The following CFAP299 variants were observed in gnomAD, a reference collection of about 807,000 sequenced individuals.
The protein encoded by CFAP299 is cilia- and flagella-associated protein 299.
CFAP299 carries 21 observed loss-of-function variants against 27.0 expected under a neutral mutation model. The observed-to-expected ratio is 0.78, with a 90% confidence interval of 0.55 to 1.12. The LOEUF (loss-of-function observed/expected upper bound fraction) is 1.12, where lower values mean the gene tolerates loss of function less well. CFAP299 is among the 50% of genes most tolerant of loss of function. The pLI is 0.00. For missense variants in CFAP299, 310 were observed against 276.6 expected (o/e 1.12, Z -0.86); for synonymous variants, 104 against 98.1 (o/e 1.06, Z -0.36).
At chr4:80,387,059 G>A in intron 2 of CFAP299, 4 of 1,418,422 alleles carry the variant, frequency 2.8e-6, no homozygotes, top group Non-Finnish European at 4.0e-6. Context: ...AGCAGTGTGG[G>A]CAGGGGAAGT....
intron 2 of CFAP299, among the ~76,000 whole-genome samples, chr4:80,377,953 A>G (rs921431062): frequency 2.0e-5 from 3 of 152,038 alleles, no homozygotes; most frequent in Non-Finnish European, 4.4e-5. Context: ...AAAGGTGGAA[A>G]CCCCTGATAA....
At chr4:80,453,466 A>C (rs974458255) in intron 2 of CFAP299, among the ~76,000 whole-genome samples, 1 of 152,174 alleles carries the variant, frequency 6.6e-6, no homozygotes, top group Non-Finnish European at 1.5e-5. Flanking sequence ...GTGGCATGGT[A>C]ATGTAAATTT....
At chr4:80,918,581 T>G (rs1735876995) in intron 4 of CFAP299, among the ~76,000 whole-genome samples, 1 of 152,102 alleles carries the variant, frequency 6.6e-6, no homozygotes, top group Non-Finnish European at 1.5e-5. Context: ...TATTTGTGTA[T>G]GTGTGTGTTA....
intron 1 of CFAP299, among the ~76,000 whole-genome samples, chr4:80,355,592 A>G (rs930253257): frequency 1.3e-5 from 2 of 151,862 alleles, no homozygotes; most frequent in African/African-American, 4.8e-5. Flanking sequence ...TTCTGACCTC[A>G]TGATCCATCT....
At chr4:80,962,979 TA>T (rs1264012026) in intron 5 of CFAP299, among the ~76,000 whole-genome samples, 2 of 151,794 alleles carry the variant, frequency 1.3e-5, no homozygotes, top group South Asian at 2.1e-4. Flanking sequence ...TAATTTTTTT[TA>T]AAAAAGATGA....
chr4:80,383,744 T>A (rs974649676), intron 2 of CFAP299, among the ~76,000 whole-genome samples: 4 of 152,204 alleles, frequency 2.6e-5, no homozygotes, highest in Non-Finnish European at 5.9e-5. Flanking sequence ...TCTTTCATTA[T>A]TATTTGTTAA....
intron 3 of CFAP299, among the ~76,000 whole-genome samples, chr4:80,747,042 C>G (rs1724651556): frequency 6.6e-6 from 1 of 151,900 alleles, no homozygotes. Flanking sequence ...AAGAATTAGG[C>G]AAGGAGCCTA....
At chr4:80,448,716 A>C (rs80314058) in intron 2 of CFAP299, among the ~76,000 whole-genome samples, 10 of 146,554 alleles carry the variant, frequency 6.8e-5, no homozygotes, top group East Asian at 4.1e-4. Context: ...TAAAAAAAAA[A>C]CCACATCTCT....
intron 3 of CFAP299, among the ~76,000 whole-genome samples, chr4:80,749,092 T>C (rs1022178133): frequency 3.3e-5 from 5 of 152,188 alleles, no homozygotes; most frequent in Non-Finnish European, 7.3e-5. Flanking sequence ...TATCCTGAGA[T>C]CTACTGTATG....
chr4:80,760,534 T>C (rs1725491287), intron 3 of CFAP299, among the ~76,000 whole-genome samples: 1 of 152,198 alleles, frequency 6.6e-6, no homozygotes, highest in Non-Finnish European at 1.5e-5. Flanking sequence ...AGAAACATAG[T>C]TTCAGCTTGG....
chr4:80,398,481 C>G (rs1392981057), intron 2 of CFAP299, among the ~76,000 whole-genome samples: 2 of 152,072 alleles, frequency 1.3e-5, no homozygotes, highest in Non-Finnish European at 2.9e-5. Context: ...GGTACTGGTA[C>G]CAAAACAGAT....
At chr4:80,729,634 C>T (rs1578066843) in intron 3 of CFAP299, among the ~76,000 whole-genome samples, 3 of 118,912 alleles carry the variant, frequency 2.5e-5, no homozygotes, top group African/African-American at 9.6e-5. Flanking sequence ...GAGTCTCGCT[C>T]TGTCTCCCAG....
At chr4:80,734,657 G>A (rs1246894327) in intron 3 of CFAP299, among the ~76,000 whole-genome samples, 1 of 152,052 alleles carries the variant, frequency 6.6e-6, no homozygotes, top group Non-Finnish European at 1.5e-5. Context: ...ACAATACATA[G>A]GGGTCAGGAT....
Position 80,870,114 on chromosome 4 carries a change from T to C in CFAP299, c.455T>C (p.Leu152Pro). ...EVYFTGKKRL[L>P]PRPTDISFYN... ...TACTTTACTGGAAAAAAAAGACTTC[T>C]TCCAAGGCCTACAGATATAAGGTAA... Residue 152 changes from leucine to proline, a missense_variant, in exon 4 of 6, where the codon CTT (leucine) becomes CCT (proline). Physicochemically the swap from Leu to Pro is moderately conservative, Grantham distance 98 (BLOSUM62 -3). Transcript: ENST00000358105. 6.2e-7 allele frequency: 1 copy of C among 1,612,402 alleles called. No individual in the cohort carries two copies. Among genetic ancestry groups the C allele is most frequent in the Non-Finnish European group, 8.5e-7 (1 of 1,179,392 alleles).
chr4:80,592,399 C>T (rs115936257), intron 3 of CFAP299, among the ~76,000 whole-genome samples: 1 of 152,132 alleles, frequency 6.6e-6, no homozygotes, highest in African/African-American at 2.4e-5. Context: ...TAAGAAAAAA[C>T]TTCTGGCTGC....
chr4:80,800,509 T>TA (rs1553893488), intron 3 of CFAP299, among the ~76,000 whole-genome samples: 10 of 21,528 alleles, frequency 4.6e-4, no homozygotes, highest in African/African-American at 3.1e-3. Flanking sequence ...ATATATTATA[T>TA]AATATATAAT....
chr4:80,852,372 A>G (rs1051682055), intron 3 of CFAP299, among the ~76,000 whole-genome samples: 1 of 152,170 alleles, frequency 6.6e-6, no homozygotes, highest in Non-Finnish European at 1.5e-5. Flanking sequence ...GGTGATTCTT[A>G]TGTGTGATAA....
At chr4:80,380,658 A>G (rs1021164229) in intron 2 of CFAP299, among the ~76,000 whole-genome samples, 1 of 152,056 alleles carries the variant, frequency 6.6e-6, no homozygotes, top group Non-Finnish European at 1.5e-5. Context: ...CAAACTCCTG[A>G]CCTCAGGTGA....
At chr4:80,424,127 A>C (rs1411283332) in intron 2 of CFAP299, among the ~76,000 whole-genome samples, 1 of 152,122 alleles carries the variant, frequency 6.6e-6, no homozygotes, top group Non-Finnish European at 1.5e-5. Context: ...ATTTTGGAAG[A>C]GGAAGGGAAA....
Sources: gnomAD v4.1 joint callset for allele counts (sites outside exome capture counted in the v4.1 genomes callset) on GRCh38, gnomAD v4.1.1 for gene constraint, MANE v1.5 for transcripts, NCBI Gene and HGNC (gene_info 2026-07-23, HGNC 2026-07-21) for gene names.